Variants in RALB observed in about 807,000 individuals in gnomAD.
RALB encodes the protein ras-related protein Ral-B.
Under a neutral mutation model 21.3 loss-of-function variants are expected in RALB, and 16 were observed. The ratio of observed to expected loss-of-function variants is 0.75; its 90% CI spans 0.51 to 1.14. The LOEUF is 1.14. Ranked by LOEUF, RALB falls within the 50% of genes most tolerant of loss-of-function variation. The pLI, the probability that RALB is intolerant of heterozygous loss-of-function variation, is 0.00. For synonymous variants in RALB, 93 were observed against 96.1 expected (o/e 0.97, Z 0.19); for missense variants, 161 against 256.2 (o/e 0.63, Z 2.54).
At chr2:120,271,439 T>C (rs965358078) in intron 1 of RALB, among the ~76,000 whole-genome samples, 1 of 152,252 alleles carries the variant, frequency 6.6e-6, no homozygotes, top group African/African-American at 2.4e-5. Flanking sequence ...TGTCTTGTTA[T>C]TCTGTATCCT....
At chr2:120,287,802 C>G (rs746941307) in intron 3 of RALB, among the ~76,000 whole-genome samples, 7 of 152,198 alleles carry the variant, frequency 4.6e-5, no homozygotes, top group Non-Finnish European at 8.8e-5. Flanking sequence ...AGATGAATAC[C>G]TAAAACCAGA....
chr2:120,288,989 A>G (rs1166476460), intron 3 of RALB, among the ~76,000 whole-genome samples: 1 of 152,124 alleles, frequency 6.6e-6, no homozygotes, highest in Admixed American at 6.5e-5. Flanking sequence ...TTCCTACTTG[A>G]GATTCCCTTG....
chr2:120,254,655 A>G (rs76130025), intron 1 of RALB, among the ~76,000 whole-genome samples: 3,148 of 147,880 alleles, frequency 0.021, 117 homozygotes, highest in African/African-American at 0.075. Context: ...GAAAAATTTT[A>G]AGCCTGAGAA....
chr2:120,240,275 TTTTTTA>T, intron 1 of RALB: 1 of 513,104 alleles, frequency 1.9e-6, no homozygotes, highest in Non-Finnish European at 2.8e-6. Context: ...GAGCTGCTAC[TTTTTTA>T]TTTTTATTTT....
Position 120,252,976 on chromosome 2 carries a change from C to T in RALB, c.-52C>T. 1.0e-6 allele frequency: 1 copy of T among 984,908 alleles called. No homozygotes were observed. The highest frequency in any genetic ancestry group is 1.2e-6 in the Non-Finnish European group (1 of 829,948). The allele number at this position is 984,908 out of a possible 1,614,324, so 61.0% of individuals were successfully genotyped here. ...GGACGGCGGAGGCGGCGGGACTGGT[C>T]CCTGGTAAGGGCGCGGCGCCCGCGG... On this transcript the variant is annotated 5_prime_UTR_variant, in exon 1 of 5. Transcript: ENST00000272519.
At chr2:120,284,706 A>G (rs1690081870) in intron 2 of RALB, among the ~76,000 whole-genome samples, 2 of 152,124 alleles carry the variant, frequency 1.3e-5, no homozygotes, top group South Asian at 4.1e-4. Flanking sequence ...CAGATGTGCA[A>G]CCATCACCAT....
intron 1 of RALB, among the ~76,000 whole-genome samples, chr2:120,247,218 G>A (rs1320310761): frequency 6.6e-6 from 1 of 152,216 alleles, no homozygotes; most frequent in African/African-American, 2.4e-5. Flanking sequence ...GAAGGCGTAT[G>A]TCTCAGTTAC....
At chr2:120,253,008 G>A in intron 1 of RALB, 28 bp downstream of exon 1, 1 of 983,334 alleles carries the variant, frequency 1.0e-6, no homozygotes, top group South Asian at 4.7e-5. Flanking sequence ...GCGGGCCCCG[G>A]GCGGGGTGGG....
intron 1 of RALB, among the ~76,000 whole-genome samples, chr2:120,266,384 A>G (rs185291863): frequency 7.1e-4 from 108 of 152,290 alleles, no homozygotes; most frequent in Middle Eastern, 3.4e-3. Context: ...AGCTGGGACT[A>G]CAGGTGTGTG....
chr2:120,285,733 A>T (rs1690115770), intron 2 of RALB, 141 bp from the exon 3 acceptor site: 2 of 669,766 alleles, frequency 3.0e-6, no homozygotes, highest in Admixed American at 5.8e-5. Flanking sequence ...CAGAGCTATA[A>T]AGAACAGAAG....
At position 120,288,346 on chromosome 2, in the gene RALB, TTTTTTTTG is replaced by T. The variant is rs1432360916; in HGVS notation, c.324-1226_324-1219del. On this transcript the variant is annotated intron_variant, in intron 3 of 4. Transcript: ENST00000272519. Reference sequence around the variant, plus strand: ...ATTGACTACATGAAAATTTTAGTTTTTTTTTTTGTTTTTTTTTTTGTAGATACAAGGTC... The same window carrying T: ...ATTGACTACATGAAAATTTTAGTTTTTTTTTTTTTTTGTAGATACAAGGTC... Among the ~76,000 whole-genome samples the T allele has an allele frequency of 1.1e-4, 16 of 140,374 alleles. 2 individuals carry two copies. The highest frequency in any genetic ancestry group is 4.3e-4 in the African/African-American group (16 of 37,270). 92.1% of individuals were successfully genotyped at this position (140,374 alleles called of 152,430 possible). A position where few individuals can be genotyped will look rare whatever the true frequency, so the allele number is the denominator to read the frequency against.
chr2:120,273,739 G>C (rs1689723884), intron 1 of RALB, among the ~76,000 whole-genome samples: 1 of 152,222 alleles, frequency 6.6e-6, no homozygotes, highest in Admixed American at 6.5e-5. Context: ...TTCTTTCACT[G>C]TCAGAATCTT....
intron 1 of RALB, among the ~76,000 whole-genome samples, chr2:120,274,343 A>T (rs562278737): frequency 1.9e-4 from 28 of 146,962 alleles, no homozygotes; most frequent in Non-Finnish European, 3.5e-4. Context: ...TCACTTATTT[A>T]AAAAAAAAAA....
At position 120,287,559 on chromosome 2, in the gene RALB, T is replaced by C. The variant is rs372712790; in HGVS notation, c.323+1477T>C. On this transcript the variant is annotated intron_variant, in intron 3 of 4. Coordinates refer to ENST00000272519, the MANE Select transcript of RALB (RefSeq NM_002881.3). ...CTTCTTTTCTTCCCTGTCCCGAGCC[T>C]TTTGATTTCCTGTTGTTCTGTGACT... Among the ~76,000 whole-genome samples, 7 of 152,346 alleles carry C rather than the reference T, an allele frequency of 4.6e-5. No individual in the cohort carries two copies. The South Asian group carries it at 1.4e-3, about 32-fold the overall frequency.
chr2:120,255,975 G>A (rs896575401), intron 1 of RALB, among the ~76,000 whole-genome samples: 1 of 152,182 alleles, frequency 6.6e-6, no homozygotes, highest in Non-Finnish European at 1.5e-5. Context: ...GGTCCTGCGT[G>A]CCTGGCTGCC....
chr2:120,258,491 C>T (rs1009338018), intron 1 of RALB, among the ~76,000 whole-genome samples: 1 of 152,148 alleles, frequency 6.6e-6, no homozygotes, highest in Admixed American at 6.5e-5. Context: ...AGGCCACGGC[C>T]AGTGGAGGGT....
chr2:120,275,799 A>G (rs932477845), intron 1 of RALB, among the ~76,000 whole-genome samples: 1 of 152,180 alleles, frequency 6.6e-6, no homozygotes, highest in African/African-American at 2.4e-5. Flanking sequence ...TCTCATGGCC[A>G]AGGAAATCAA....
intron 1 of RALB, among the ~76,000 whole-genome samples, chr2:120,254,191 A>T (rs2104577316): frequency 6.6e-6 from 1 of 152,332 alleles, no homozygotes; most frequent in South Asian, 2.1e-4. Context: ...GATGTGGAGC[A>T]CGATCTTTCC....
At chr2:120,270,127 ATTAC>A (rs1285846878) in intron 1 of RALB, among the ~76,000 whole-genome samples, 2 of 152,174 alleles carry the variant, frequency 1.3e-5, no homozygotes. Flanking sequence ...TATTAGGGAT[ATTAC>A]TTTGTTTTGT....
Sources: allele counts gnomAD v4.1 joint callset (sites outside exome capture counted in the v4.1 genomes callset), GRCh38; gene constraint gnomAD v4.1.1; transcripts MANE v1.5; gene names NCBI Gene and HGNC (gene_info 2026-07-23, HGNC 2026-07-21).